The following WWOX variants were observed in gnomAD, a reference collection of about 807,000 sequenced individuals.
WWOX encodes the protein WW domain-containing oxidoreductase.
A neutral mutation model predicts 46.2 loss-of-function variants in WWOX; 69 were observed. That is an observed-to-expected ratio of 1.49 (90% confidence interval 1.23 to 1.82). The LOEUF (loss-of-function observed/expected upper bound fraction) is 1.82. Ranked by LOEUF, WWOX falls within the 40% of genes most tolerant of loss-of-function variation. WWOX has a pLI of 0.00. For synonymous variants in WWOX, 359 were observed against 202.6 expected (o/e 1.77, Z -6.56); for missense variants, 919 against 542.6 (o/e 1.69, Z -6.89).
Position 79,211,927 on chromosome 16 carries a change from C to G in WWOX, c.*131C>G, listed in dbSNP as rs1338999884. On this transcript the variant is annotated 3_prime_UTR_variant, in exon 9 of 9. Transcript: ENST00000566780. ...AGAGTAAAGGAAATAAGAGCAGTCACAACAGAGTGAAAAATCTTAAGTACC... is the reference window on the plus strand; with the variant it reads ...AGAGTAAAGGAAATAAGAGCAGTCAGAACAGAGTGAAAAATCTTAAGTACC... 2 of 1,539,394 alleles carry G rather than the reference C, an allele frequency of 1.3e-6. No homozygotes were observed. The highest frequency in any genetic ancestry group is 1.7e-6 in the Non-Finnish European group (2 of 1,147,698).
At chr16:79,100,761 G>C (rs1433713568) in intron 8 of WWOX, among the ~76,000 whole-genome samples, 1 of 152,052 alleles carries the variant, frequency 6.6e-6, no homozygotes, top group Non-Finnish European at 1.5e-5. Context: ...ACTGGGGCTG[G>C]GCTTGCAGAA....
chr16:78,726,439 G>T (rs889410150), intron 8 of WWOX, among the ~76,000 whole-genome samples: 6 of 151,904 alleles, frequency 3.9e-5, no homozygotes, highest in African/African-American at 1.4e-4. Flanking sequence ...TCCCTGTGTT[G>T]GCCAGGCTGG....
chr16:79,129,281 A>G (rs116022768), intron 8 of WWOX, among the ~76,000 whole-genome samples: 218 of 151,150 alleles, frequency 1.4e-3, no homozygotes, highest in African/African-American at 5.2e-3. Flanking sequence ...CGTGCTGCCC[A>G]ATATTAAAAG....
chr16:78,814,784 G>T (rs999223338), intron 8 of WWOX, among the ~76,000 whole-genome samples: 1 of 152,188 alleles, frequency 6.6e-6, no homozygotes, highest in Non-Finnish European at 1.5e-5. Context: ...AAGGCCTTCT[G>T]GTTGAAGTTG....
chr16:78,715,499 T>C (rs1341844835), intron 8 of WWOX, among the ~76,000 whole-genome samples: 1 of 151,906 alleles, frequency 6.6e-6, no homozygotes, highest in Non-Finnish European at 1.5e-5. Context: ...GTTTTTGTTT[T>C]TTAAGATGAA....
intron 8 of WWOX, among the ~76,000 whole-genome samples, chr16:78,825,114 G>A (rs962660304): frequency 1.3e-5 from 2 of 152,096 alleles, no homozygotes; most frequent in Admixed American, 6.5e-5. Context: ...GGCACTCGGG[G>A]AGGTCAAGTG....
At position 78,218,074 on chromosome 16, in the gene WWOX, GAC is replaced by G. The variant is rs2036780100; in HGVS notation, c.516+53787_516+53788del. 2.0e-5 allele frequency among the ~76,000 whole-genome samples: 3 copies of G among 151,332 alleles called. No homozygotes were observed. In the South Asian group the frequency reaches 6.3e-4, roughly 32 times the overall value. ...CTTTTCTTTTCTTTTTTCTTTTTAA[GAC>G]AGGCTCTCACTCTTGTCACCCAGGC... On this transcript the variant is annotated intron_variant, in intron 5 of 8. Transcript: ENST00000566780.
At chr16:78,383,524 G>A (rs1171027308) in intron 5 of WWOX, among the ~76,000 whole-genome samples, 1 of 152,134 alleles carries the variant, frequency 6.6e-6, no homozygotes. Flanking sequence ...CTAACAATCA[G>A]CAGTTCACCT....
chr16:79,047,973 G>T (rs1290361366), intron 8 of WWOX, among the ~76,000 whole-genome samples: 1 of 152,128 alleles, frequency 6.6e-6, no homozygotes, highest in Admixed American at 6.5e-5. Context: ...GCAGGAAGGA[G>T]AATTCACTAT....
intron 5 of WWOX, among the ~76,000 whole-genome samples, chr16:78,247,944 G>C (rs1267098313): frequency 1.3e-5 from 2 of 152,172 alleles, no homozygotes; most frequent in African/African-American, 2.4e-5. Flanking sequence ...ATCTTGCAAG[G>C]CTTGGGCATT....
At position 78,128,268 on chromosome 16, in the gene WWOX, T is replaced by G. The variant is rs143875964; in HGVS notation, c.409+13114T>G. 4.6e-5 allele frequency among the ~76,000 whole-genome samples: 7 copies of G among 152,290 alleles called. No homozygotes were observed. In the East Asian group the frequency reaches 9.7e-4, roughly 21 times the overall value. On this transcript the variant is annotated intron_variant, in intron 4 of 8. Coordinates refer to ENST00000566780, the MANE Select transcript of WWOX (RefSeq NM_016373.4). The stretch of plus-strand genomic sequence containing the variant: ...CAGGGTTTACGAAGTGAACCGGATG[T>G]CCGGTAACAGGGTTGCATGTCATGC...
chr16:78,708,141 T>C (rs1224357015), intron 8 of WWOX, among the ~76,000 whole-genome samples: 1 of 152,112 alleles, frequency 6.6e-6, no homozygotes, highest in African/African-American at 2.4e-5. Flanking sequence ...CAGTGAGCTA[T>C]GACTGCACCA....
At position 78,632,557 on chromosome 16, in the gene WWOX, A is replaced by ATTTTTTTTTTTTTTTT. The variant is rs545062752; in HGVS notation, c.1056+199811_1056+199826dup. On this transcript the variant is annotated intron_variant, in intron 8 of 8. Coordinates refer to ENST00000566780, the MANE Select transcript of WWOX (RefSeq NM_016373.4). ...CTCTCTTCCCCCACTTACTTGGCCA[A>ATTTTTTTTTTTTTTTT]TTTTTTTTTTTTTTTTTTTTTGGTG... Among the ~76,000 whole-genome samples, 293 of 74,732 alleles carry ATTTTTTTTTTTTTTTT rather than the reference A, an allele frequency of 3.9e-3. 31 individuals are homozygous for ATTTTTTTTTTTTTTTT. The highest frequency in any genetic ancestry group is 0.033 in the Middle Eastern group (2 of 60). The allele number at this position is 74,732 out of a possible 152,430, so 49.0% of individuals were successfully genotyped here. A position where few individuals can be genotyped will look rare whatever the true frequency, so the allele number is the denominator to read the frequency against.
At chr16:78,223,131 A>G (rs1389217944) in intron 5 of WWOX, among the ~76,000 whole-genome samples, 2 of 152,204 alleles carry the variant, frequency 1.3e-5, no homozygotes, top group African/African-American at 4.8e-5. Flanking sequence ...GACTGTCAGT[A>G]GCAGAAATAA....
chr16:79,032,108 A>C (rs1002807202), intron 8 of WWOX, among the ~76,000 whole-genome samples: 1 of 144,944 alleles, frequency 6.9e-6, no homozygotes. Flanking sequence ...TAGATAATTT[A>C]TATATAAATA....
intron 5 of WWOX, among the ~76,000 whole-genome samples, chr16:78,265,534 C>T (rs191791277): frequency 4.5e-4 from 68 of 151,924 alleles, no homozygotes; most frequent in African/African-American, 1.3e-3. Flanking sequence ...CAAAATTAGC[C>T]GGGCATGGTG....
intron 6 of WWOX, among the ~76,000 whole-genome samples, chr16:78,420,028 A>T (rs1429363047): frequency 1.3e-5 from 2 of 152,308 alleles, no homozygotes; most frequent in Non-Finnish European, 1.5e-5. Context: ...TACATAAAAG[A>T]TGTTCAATCT....
At chr16:79,101,011 A>T (rs2049181397) in intron 8 of WWOX, 1 of 152,412 alleles carries the variant, frequency 6.6e-6, no homozygotes. Context: ...TGAATGGGGG[A>T]ATGAGAACTA....
intron 5 of WWOX, among the ~76,000 whole-genome samples, chr16:78,189,742 C>T (rs1258579704): frequency 1.3e-5 from 2 of 152,092 alleles, no homozygotes; most frequent in African/African-American, 4.8e-5. Context: ...GCAACCTCCG[C>T]CTCCCAAGTT....
Sources: allele counts gnomAD v4.1 joint callset (sites outside exome capture counted in the v4.1 genomes callset), GRCh38; gene constraint gnomAD v4.1.1; transcripts MANE v1.5; gene names NCBI Gene and HGNC (gene_info 2026-07-23, HGNC 2026-07-21).